The following TNNI2 variants were observed in gnomAD, a reference collection of about 807,000 sequenced individuals.
TNNI2 encodes the protein troponin I, fast skeletal muscle.
In TNNI2, 14 loss-of-function variants were observed where a neutral mutation model predicts 26.5. The ratio of observed to expected loss-of-function variants is 0.53; its 90% CI spans 0.35 to 0.83. The LOEUF (loss-of-function observed/expected upper bound fraction) is 0.83, where lower values mean the gene tolerates loss of function less well. Ranked by LOEUF, TNNI2 falls within the 40% of genes least tolerant of loss-of-function variation. The probability of loss-of-function intolerance (pLI) is 0.01; values close to 1 mark genes in which losing one functional copy is unlikely to be tolerated. For missense variants in TNNI2, 205 were observed against 248.5 expected (o/e 0.82, Z 1.18); for synonymous variants, 126 against 97.6 (o/e 1.29, Z -1.71).
Position 1,841,042 on chromosome 11 carries a change from G to C in TNNI2, c.288G>C (p.Met96Ile). 2 of 1,612,962 alleles carry C rather than the reference G, an allele frequency of 1.2e-6. No individual in the cohort carries two copies. The highest frequency in any genetic ancestry group is 1.7e-6 in the Non-Finnish European group (2 of 1,179,868). Residue 96 changes from methionine to isoleucine, a missense_variant, in exon 7 of 8, where the codon ATG (methionine) becomes ATC (isoleucine). Transcript: ENST00000381911. ...TCCCCTGCCCACAGCTGGAGGACAT[G>C]AACCAGAAGCTATTTGATCTGCGGG... ...VQKTSKELED[M>I]NQKLFDLRGK...
intron 1 of TNNI2, 90 bp from the exon 2 acceptor site, chr11:1,839,585 G>A: frequency 2.8e-6 from 4 of 1,408,494 alleles, no homozygotes; most frequent in African/African-American, 1.4e-5. Context: ...CTGTCATCAG[G>A]AGCCCTGAAC....
chr11:1,840,281 G>T (rs1847133219), intron 3 of TNNI2, 122 bp from the exon 4 acceptor site: 1 of 1,548,432 alleles, frequency 6.5e-7, no homozygotes, highest in African/African-American at 1.4e-5. Context: ...ATGGCCTCAG[G>T]AGCCCCCAGG....
In TNNI2 at chr11:1,839,555, A is replaced by G. The variant is rs1254062704; in HGVS notation, c.-22-120A>G. 13 of 745,382 alleles carry G rather than the reference A, an allele frequency of 1.7e-5. No homozygotes were observed. The African/African-American group carries it at 5.5e-4, about 32-fold the overall frequency. 46.2% of individuals were successfully genotyped at this position (745,382 alleles called of 1,614,324 possible). On this transcript the variant is annotated intron_variant, in intron 1 of 7. Coordinates refer to ENST00000381911, the MANE Select transcript of TNNI2 (RefSeq NM_003282.4). ...GAGAGTAGGGGGAGGAGGTGAGAGT[A>G]GGGGGTGGGCGGGAGGGGGCTGTCA...
chr11:1,839,689 A>G lies in TNNI2; in HGVS notation c.-8A>G. On this transcript the variant is annotated 5_prime_UTR_variant, in exon 2 of 8. Coordinates refer to ENST00000381911, the MANE Select transcript of TNNI2 (RefSeq NM_003282.4). ...TCTCCCCACAGGCTCCAAGCTCAGG[A>G]CCTCAGGATGGGAGAGTAAGTGGTA... is the stretch of plus-strand genomic sequence containing the variant. 6.2e-7 allele frequency: 1 copy of G among 1,613,676 alleles called. No homozygotes were observed. The highest frequency in any genetic ancestry group is 1.7e-4 in the Middle Eastern group (1 of 6,032).
At chr11:1,841,400 CA>C in intron 7 of TNNI2, 55 bp from the exon 8 acceptor site, 1 of 1,585,810 alleles carries the variant, frequency 6.3e-7, no homozygotes, top group Non-Finnish European at 8.7e-7. Context: ...TGGTGTGGAC[CA>C]GGGTGCGTGC....
At position 1,839,870 on chromosome 11, in the gene TNNI2, G is replaced by A. The variant is rs1847124486; in HGVS notation, c.15+15G>A. 1 of 1,613,724 alleles carries A rather than the reference G, an allele frequency of 6.2e-7. No individual in the cohort carries two copies. Among genetic ancestry groups the A allele is most frequent in the African/African-American group, 1.3e-5 (1 of 75,014 alleles). The stretch of plus-strand genomic sequence containing the variant: ...ACAGTGAGGAGGTAAGTAGTTGCTG[G>A]GGGCTCAAAACATGACGAGGAGGGG... On this transcript the variant is annotated intron_variant, in intron 3 of 7. Coordinates refer to ENST00000381911, the MANE Select transcript of TNNI2 (RefSeq NM_003282.4).
chr11:1,841,227 C>A lies in TNNI2; in HGVS notation c.453+20C>A. ...GAGAAGGTGCGTGCCACGGGGGGAG[C>A]ACCACCACACCTACCCTGCCGGGGA... On this transcript the variant is annotated intron_variant, in intron 7 of 7. Transcript: ENST00000381911. 1 of 1,607,918 alleles carries A rather than the reference C, an allele frequency of 6.2e-7. No individual in the cohort carries two copies. Among genetic ancestry groups the A allele is most frequent in the Non-Finnish European group, 8.5e-7 (1 of 1,179,600 alleles).
rs1589797099 is a variant in TNNI2 at position 1,841,550 on chromosome 11, A to G, written c.548A>G (p.Ter183TrpextTer37). The G allele has an allele frequency of 6.2e-7, 1 of 1,613,944 alleles. No individual in the cohort carries two copies. The highest frequency in any genetic ancestry group is 2.2e-5 in the East Asian group (1 of 44,872). Residue 183 changes from the stop codon to tryptophan (W), a stop_lost, in exon 8 of 8, where the codon TAG (stop) becomes TGG (tryptophan). Coordinates refer to ENST00000381911, the MANE Select transcript of TNNI2 (RefSeq NM_003282.4). ...GRKKMFESES[*>W] ...AAGAAGATGTTTGAGTCCGAGTCCTAGGCCACTCGCTGCCCCTACGCCTGC... is the reference window on the plus strand; with the variant it reads ...AAGAAGATGTTTGAGTCCGAGTCCTGGGCCACTCGCTGCCCCTACGCCTGC...
chr11:1,840,247 C>A, intron 3 of TNNI2, 156 bp from the exon 4 acceptor site: 2 of 1,550,212 alleles, frequency 1.3e-6, no homozygotes, highest in Non-Finnish European at 1.7e-6. Context: ...AGGTCTGGGG[C>A]CAGGGAGGCC....
At chr11:1,840,146 C>A in intron 3 of TNNI2, 1 of 1,498,678 alleles carries the variant, frequency 6.7e-7, no homozygotes, top group Non-Finnish European at 9.1e-7. Flanking sequence ...CTGCCCCCAA[C>A]TGGCCCTCCT....
At chr11:1,841,420 G>T in intron 7 of TNNI2, 36 bp from the exon 8 acceptor site, 1 of 1,609,350 alleles carries the variant, frequency 6.2e-7, no homozygotes, top group Non-Finnish European at 8.5e-7. Flanking sequence ...GCATAAGTGG[G>T]TGAGCCTGAG....
chr11:1,839,629 C>T (rs894919878), intron 1 of TNNI2, 46 bp from the exon 2 acceptor site: 18 of 1,608,272 alleles, frequency 1.1e-5, no homozygotes, highest in Admixed American at 3.3e-5. Context: ...ACAGGCATCA[C>T]GGTGGCAAGG....
chr11:1,840,970 C>A, intron 6 of TNNI2, 61 bp from the exon 7 acceptor site: 1 of 1,577,432 alleles, frequency 6.3e-7, no homozygotes, highest in Non-Finnish European at 8.6e-7. Context: ...GCAGGCGGGG[C>A]GGGCCGGGGA....
chr11:1,840,956 G>T (rs536350465), intron 6 of TNNI2, 48 bp downstream of exon 6: 1 of 1,595,238 alleles, frequency 6.3e-7, no homozygotes, highest in Non-Finnish European at 8.5e-7. Flanking sequence ...CGGTGGCCCA[G>T]CGGGCAGGCG....
chr11:1,840,457 T>TC lies in TNNI2; in HGVS notation c.57+16dup, dbSNP rs750048012. The TC allele has an allele frequency of 1.3e-5, 21 of 1,610,738 alleles. No homozygotes were observed. The African/African-American group carries it at 2.4e-4, about 18-fold the overall frequency. On this transcript the variant is annotated intron_variant, in intron 4 of 7. Coordinates refer to ENST00000381911, the MANE Select transcript of TNNI2 (RefSeq NM_003282.4). ...GCAGCACCTGAAGGTAGGTGTGGGC[T>TC]CCCGGGGGGGTGGCCCAGGTGGGTC...
chr11:1,841,592 C>T lies in TNNI2; in HGVS notation c.*41C>T. 1.9e-6 allele frequency: 3 copies of T among 1,588,284 alleles called. No individual in the cohort carries two copies. The highest frequency in any genetic ancestry group is 2.6e-6 in the Non-Finnish European group (3 of 1,157,430). ...TACGCCTGCCCCGGTGCCCGGCTCC[C>T]AGCAGAACATACTAGGGAGATGCAC... On this transcript the variant is annotated 3_prime_UTR_variant, in exon 8 of 8. Transcript: ENST00000381911.
chr11:1,839,128 G>A (rs1847107149), intron 1 of TNNI2, 95 bp downstream of exon 1: 1 of 153,916 alleles, frequency 6.5e-6, no homozygotes, highest in Admixed American at 6.4e-5. Context: ...TGGGGGCCTG[G>A]GGGATGCCAC....
intron 7 of TNNI2, 27 bp downstream of exon 7, chr11:1,841,234 A>G: frequency 6.2e-7 from 1 of 1,606,606 alleles, no homozygotes; most frequent in Non-Finnish European, 8.5e-7. Context: ...GAGCACCACC[A>G]CACCTACCCT....
intron 1 of TNNI2, 45 bp from the exon 2 acceptor site, chr11:1,839,630 G>A (rs1216060310): frequency 6.2e-6 from 10 of 1,610,296 alleles, no homozygotes; most frequent in East Asian, 2.2e-5. Flanking sequence ...CAGGCATCAC[G>A]GTGGCAAGGG....
Sources: gnomAD v4.1 joint callset for allele counts on GRCh38, gnomAD v4.1.1 for gene constraint, MANE v1.5 for transcripts, NCBI Gene and HGNC (gene_info 2026-07-23, HGNC 2026-07-21) for gene names.